The following RNLS variants were observed in gnomAD, a reference collection of about 807,000 sequenced individuals.
The protein encoded by RNLS is renalase.
A neutral mutation model predicts 39.8 loss-of-function variants in RNLS; 39 were observed. The observed-to-expected ratio is 0.98, with a 90% CI of 0.76 to 1.28. The LOEUF (loss-of-function observed/expected upper bound fraction) is 1.28. Ranked by LOEUF, RNLS falls within the 50% of genes most tolerant of loss-of-function variation. The pLI, the probability that RNLS is intolerant of heterozygous loss-of-function variation, is 0.00. For synonymous variants in RNLS, 147 were observed against 150.7 expected (o/e 0.98, Z 0.18); for missense variants, 410 against 413.3 (o/e 0.99, Z 0.07).
chr10:88,312,336 A>C lies in RNLS; in HGVS notation c.876+2130T>G, dbSNP rs148216844. On this transcript the variant is annotated intron_variant, in intron 6 of 6. Coordinates refer to ENST00000331772, the MANE Select transcript of RNLS (RefSeq NM_001031709.3). ...CTGAGGAATGTGGGCAGCTTCTAGAAGATGACAAAGGCAAGAAAATGGATT... is the reference window on the plus strand; with the variant it reads ...CTGAGGAATGTGGGCAGCTTCTAGACGATGACAAAGGCAAGAAAATGGATT... Among the ~76,000 whole-genome samples the C allele has an allele frequency of 3.9e-5, 6 of 152,320 alleles. No individual in the cohort carries two copies. In the East Asian group the frequency reaches 1.2e-3, roughly 29 times the overall value.
chr10:88,253,114 A>G, the RNLS span, among the ~76,000 whole-genome samples: 1 of 152,198 alleles, frequency 6.6e-6, no homozygotes, highest in Non-Finnish European at 1.5e-5. Flanking sequence ...AGGGCAGTGA[A>G]CTTGAGCAAT....
intron 4 of RNLS, among the ~76,000 whole-genome samples, chr10:88,539,366 G>A (rs1847930489): frequency 6.6e-6 from 1 of 152,202 alleles, no homozygotes; most frequent in South Asian, 2.1e-4. Context: ...GATGACAAAG[G>A]AGAATGCAGA....
At chr10:88,401,072 A>G (rs1852884214) in intron 4 of RNLS, among the ~76,000 whole-genome samples, 3 of 151,786 alleles carry the variant, frequency 2.0e-5, no homozygotes, top group African/African-American at 7.3e-5. Context: ...AGTTCTCCCA[A>G]TTTCCCCCCT....
chr10:88,501,803 G>A (rs1305422066), intron 4 of RNLS, among the ~76,000 whole-genome samples: 2 of 151,974 alleles, frequency 1.3e-5, no homozygotes, highest in African/African-American at 2.4e-5. Context: ...CTTTAAAAAA[G>A]CAAACAATTA....
Position 88,301,606 on chromosome 10 carries a change from G to A in RNLS, c.876+12860C>T, listed in dbSNP as rs573714151. ...CTGGAAAATGTGCAAGTTAGTTTAG[G>A]AATGATTGGTAAGAAGCTGGAAAAT... On this transcript the variant is annotated intron_variant, in intron 6 of 6. Transcript: ENST00000331772. Among the ~76,000 whole-genome samples the A allele has an allele frequency of 3.9e-5, 6 of 152,322 alleles. No individual in the cohort carries two copies. In the South Asian group the frequency reaches 1.2e-3, roughly 32 times the overall value.
At chr10:88,478,670 G>T (rs2986118) in intron 4 of RNLS, among the ~76,000 whole-genome samples, 70,051 of 151,762 alleles carry the variant, frequency 0.46, 16,872 homozygotes, top group Middle Eastern at 0.54. Context: ...TCCAGCTTCC[G>T]TTCACTCGAA....
chr10:88,533,935 C>T (rs969531156), intron 4 of RNLS, among the ~76,000 whole-genome samples: 5 of 151,868 alleles, frequency 3.3e-5, no homozygotes, highest in African/African-American at 4.8e-5. Flanking sequence ...AAGGGAGCAA[C>T]GAAAACGAAG....
intron 4 of RNLS, among the ~76,000 whole-genome samples, chr10:88,556,540 T>C (rs1848886936): frequency 6.6e-6 from 1 of 152,202 alleles, no homozygotes; most frequent in Non-Finnish European, 1.5e-5. Context: ...TAAAATCCAA[T>C]GTCTCTATCA....
At chr10:88,522,962 C>T (rs951285396) in intron 4 of RNLS, among the ~76,000 whole-genome samples, 5 of 152,090 alleles carry the variant, frequency 3.3e-5, no homozygotes, top group South Asian at 2.1e-4. Context: ...GGAGCTGGGA[C>T]GTACTGTTTG....
chr10:88,389,828 G>A (rs1307641360), intron 4 of RNLS, among the ~76,000 whole-genome samples: 1 of 152,188 alleles, frequency 6.6e-6, no homozygotes, highest in Non-Finnish European at 1.5e-5. Flanking sequence ...GATAGGGCAT[G>A]TAGTTGCTAT....
intron 4 of RNLS, among the ~76,000 whole-genome samples, chr10:88,489,827 G>A (rs201989053): frequency 6.6e-6 from 1 of 152,170 alleles, no homozygotes; most frequent in Non-Finnish European, 1.5e-5. Context: ...ATCAGAGCAA[G>A]GCATTCAGGC....
intron 4 of RNLS, among the ~76,000 whole-genome samples, chr10:88,564,539 G>A (rs750590873): frequency 6.6e-6 from 1 of 152,124 alleles, no homozygotes; most frequent in Non-Finnish European, 1.5e-5. Context: ...GAATTTCTGT[G>A]CATGGTAGAG....
intron 4 of RNLS, among the ~76,000 whole-genome samples, chr10:88,497,652 C>A (rs1490172111): frequency 6.6e-6 from 1 of 151,904 alleles, no homozygotes; most frequent in Non-Finnish European, 1.5e-5. Flanking sequence ...GTGGTCATTA[C>A]AAAGAAAAGA....
chr10:88,563,784 A>G (rs1364414202), intron 4 of RNLS, among the ~76,000 whole-genome samples: 1 of 152,220 alleles, frequency 6.6e-6, no homozygotes, highest in Non-Finnish European at 1.5e-5. Flanking sequence ...TTAATAGTTC[A>G]TTTAAAAACC....
At chr10:88,458,393 C>T (rs1842754271) in intron 4 of RNLS, among the ~76,000 whole-genome samples, 1 of 152,178 alleles carries the variant, frequency 6.6e-6, no homozygotes, top group Admixed American at 6.5e-5. Context: ...TGTCTTCCCC[C>T]TCCTCTTTGC....
intron 4 of RNLS, among the ~76,000 whole-genome samples, chr10:88,416,415 G>A (rs1247917424): frequency 2.0e-5 from 3 of 151,648 alleles, no homozygotes; most frequent in African/African-American, 7.3e-5. Flanking sequence ...CAACACGCCC[G>A]GCTAATTTCG....
At chr10:88,410,246 A>C (rs899923196) in intron 4 of RNLS, among the ~76,000 whole-genome samples, 2 of 152,156 alleles carry the variant, frequency 1.3e-5, no homozygotes, top group East Asian at 3.9e-4. Flanking sequence ...TTATTATTCA[A>C]ATTAATTCAA....
chr10:88,470,104 C>T (rs959067791), intron 4 of RNLS, among the ~76,000 whole-genome samples: 1 of 151,886 alleles, frequency 6.6e-6, no homozygotes, highest in Non-Finnish European at 1.5e-5. Context: ...AATCAAGAGT[C>T]CCTTTCCTTT....
chr10:88,212,632 C>T, the RNLS span, among the ~76,000 whole-genome samples: 1 of 152,194 alleles, frequency 6.6e-6, no homozygotes, highest in East Asian at 1.9e-4. Context: ...TGTTTTCCAA[C>T]ATAGAGACAG....
Sources: gnomAD v4.1 joint callset for allele counts (sites outside exome capture counted in the v4.1 genomes callset) on GRCh38, gnomAD v4.1.1 for gene constraint, MANE v1.5 for transcripts, NCBI Gene and HGNC (gene_info 2026-07-23, HGNC 2026-07-21) for gene names.